Variants in ERRFI1 observed in about 807,000 individuals in gnomAD.
ERRFI1 encodes ERBB receptor feedback inhibitor 1, also known as mitogen-inducible gene 6 protein.
Under a neutral mutation model 14.6 loss-of-function variants are expected in ERRFI1, and 12 were observed. The observed-to-expected ratio is 0.82, with a 90% CI of 0.53 to 1.33. ERRFI1 has a LOEUF of 1.33. Ranked by LOEUF, ERRFI1 falls within the 40% of genes most tolerant of loss-of-function variation. The pLI, the probability that ERRFI1 is intolerant of heterozygous loss-of-function variation, is 0.00. For missense variants in ERRFI1, 482 were observed against 572.1 expected (o/e 0.84, Z 1.61); for synonymous variants, 202 against 209.9 (o/e 0.96, Z 0.32).
chr1:8,021,650 C>T (rs1441636635), intron 1 of ERRFI1, among the ~76,000 whole-genome samples: 1 of 152,154 alleles, frequency 6.6e-6, no homozygotes, highest in East Asian at 1.9e-4. Flanking sequence ...TAATATAAAA[C>T]CATTAATGAT....
In ERRFI1 at chr1:8,014,677, G is replaced by A. The variant is rs576443167; in HGVS notation, c.203-281C>T. On this transcript the variant is annotated intron_variant, in intron 3 of 3. Coordinates refer to ENST00000377482, the MANE Select transcript of ERRFI1 (RefSeq NM_018948.4). ...ACATCACAGGCAAGTTTTGTGACGT[G>A]TGTAAAATTCGCGGAAGATGAATAG... is the stretch of plus-strand genomic sequence containing the variant. The A allele has an allele frequency of 2.2e-4, 92 of 410,528 alleles. 1 individual carries two copies. The highest frequency in any genetic ancestry group is 3.7e-4 in the Non-Finnish European group (85 of 231,262). 25.4% of individuals were successfully genotyped at this position (410,528 alleles called of 1,614,324 possible). A position where few individuals can be genotyped will look rare whatever the true frequency, so the allele number is the denominator to read the frequency against.
rs776359721 is a variant in ERRFI1, at chr1:8,014,019, C to A, written c.580G>T (p.Asp194Tyr). 2 of 1,614,016 alleles carry A rather than the reference C, an allele frequency of 1.2e-6. No homozygotes were observed. The highest frequency in any genetic ancestry group is 2.7e-5 in the African/African-American group (2 of 74,868). ...EDSTLSDFKYDVPGRRSFRGC... is the reference protein window; with the variant it reads ...EDSTLSDFKYYVPGRRSFRGC... ...CGGAAGCTTCGCCTGCCAGGAACAT[C>A]ATATTTGAAATCAGAAAGTGTAGAG... is the stretch of plus-strand genomic sequence containing the variant. The change falls in exon 4 of 4, where the codon GAT becomes TAT. Residue 194 changes from aspartate (D) to tyrosine (Y), a missense_variant. Asp to Tyr is a radical substitution (Grantham distance 160, BLOSUM62 -3). Coordinates refer to ENST00000377482, the MANE Select transcript of ERRFI1 (RefSeq NM_018948.4).
chr1:8,025,689 C>A (rs999106885), intron 1 of ERRFI1, among the ~76,000 whole-genome samples: 1 of 152,196 alleles, frequency 6.6e-6, no homozygotes, highest in African/African-American at 2.4e-5. Flanking sequence ...AGCCCCCAGG[C>A]CCGAAGACGC....
At chr1:8,025,301 T>C (rs1641328014) in intron 1 of ERRFI1, among the ~76,000 whole-genome samples, 1 of 152,230 alleles carries the variant, frequency 6.6e-6, no homozygotes, top group Non-Finnish European at 1.5e-5. Context: ...AAGAGTCATC[T>C]AATTTGTACA....
rs189117311 is a variant in ERRFI1 at position 8,013,371 on chromosome 1, A to T, written c.1228T>A (p.Phe410Ile). The T allele has an allele frequency of 1.2e-6, 2 of 1,614,090 alleles. No homozygotes were observed. The highest frequency in any genetic ancestry group is 1.1e-5 in the South Asian group (1 of 91,076). ...TTTGTTTCTTCTGCTTCCCTAAAAAATTTTTCATATTTGTCCAGGTATGGT... is the reference window on the plus strand; with the variant it reads ...TTTGTTTCTTCTGCTTCCCTAAAAATTTTTTCATATTTGTCCAGGTATGGT... ...RPPYLDKYEK[F>I]FREAEETNGG... Residue 410 changes from phenylalanine (F) to isoleucine (I), a missense_variant, in exon 4 of 4, where the codon TTT (phenylalanine) becomes ATT (isoleucine). Coordinates refer to ENST00000377482, the MANE Select transcript of ERRFI1 (RefSeq NM_018948.4). This position sits in a 1 kb window ranked among gnomAD's most constrained non-coding sequence, Gnocchi z 4.3.
At chr1:8,022,590 C>T (rs750367561) in intron 1 of ERRFI1, among the ~76,000 whole-genome samples, 6 of 152,284 alleles carry the variant, frequency 3.9e-5, no homozygotes, top group Admixed American at 6.5e-5. Context: ...CAGCATTTTC[C>T]CCACACTTTC....
chr1:8,023,099 T>A (rs189878183), intron 1 of ERRFI1, among the ~76,000 whole-genome samples: 1 of 152,300 alleles, frequency 6.6e-6, no homozygotes, highest in Non-Finnish European at 1.5e-5. Context: ...GCAGCCCTGA[T>A]AAGAGTCAGA....
At chr1:8,021,601 A>G (rs750217916) in intron 1 of ERRFI1, among the ~76,000 whole-genome samples, 25 of 152,250 alleles carry the variant, frequency 1.6e-4, no homozygotes, top group Non-Finnish European at 3.5e-4. Flanking sequence ...TTTAACAAGC[A>G]TTTAAGTTAC....
At position 8,013,592 on chromosome 1, in the gene ERRFI1, T is replaced by C. The variant is rs1641123128; in HGVS notation, c.1007A>G (p.Lys336Arg). 6.2e-7 allele frequency: 1 copy of C among 1,614,100 alleles called. No homozygotes were observed. Among genetic ancestry groups the C allele is most frequent in the Non-Finnish European group, 8.5e-7 (1 of 1,180,022 alleles). Reference protein sequence around the residue: ...SPSNSRTPSPKSLPSYLNGVM... With the variant: ...SPSNSRTPSPRSLPSYLNGVM... ...CCCATTGAGGTAAGACGGAAGGCTT[T>C]TGGGACTCGGTGTGCGCGAGTTACT... Residue 336 changes from lysine (K) to arginine (R), a missense_variant, in exon 4 of 4, where the codon AAA (lysine) becomes AGA (arginine). By Grantham distance (26) the Lys-to-Arg change is conservative. Coordinates refer to ENST00000377482, the MANE Select transcript of ERRFI1 (RefSeq NM_018948.4). This position sits in a 1 kb window ranked among gnomAD's most constrained non-coding sequence, Gnocchi z 4.3.
chr1:8,022,216 A>G (rs1227888978), intron 1 of ERRFI1, among the ~76,000 whole-genome samples: 1 of 152,194 alleles, frequency 6.6e-6, no homozygotes, highest in Non-Finnish European at 1.5e-5. Flanking sequence ...GCCCCACCAC[A>G]ACAGAACTCT....
chr1:8,014,524 C>T (rs1005206058), intron 3 of ERRFI1, 128 bp from the exon 4 acceptor site: 19 of 794,806 alleles, frequency 2.4e-5, no homozygotes, highest in Middle Eastern at 3.8e-4. Flanking sequence ...CTGCTGTCAC[C>T]CCGAGAACAC....
In ERRFI1 at chr1:8,015,585, C is replaced by T. The variant is rs2124066385; in HGVS notation, c.35G>A (p.Arg12Lys). ...TAGAAATCCAGTTTTTAATGGGACT[C>T]TGATCTCCTGAGCAGCAACTCCTGC... The part of the protein sequence containing the change: ...SIAGVAAQEI[R>K]VPLKTGFLHN... Residue 12 changes from arginine (R) to lysine (K), a missense_variant, in exon 2 of 4, where the codon AGA becomes AAA. Physicochemically the swap from Arg to Lys is conservative, Grantham distance 26 (BLOSUM62 2). Transcript: ENST00000377482. 1 of 1,614,128 alleles carries T rather than the reference C, an allele frequency of 6.2e-7. No individual in the cohort carries two copies. The highest frequency in any genetic ancestry group is 8.5e-7 in the Non-Finnish European group (1 of 1,179,972).
intron 3 of ERRFI1, chr1:8,014,687 C>T (rs748939577): frequency 2.8e-4 from 107 of 384,192 alleles, no homozygotes; most frequent in Non-Finnish European, 4.6e-4. Context: ...GTGTAAAATT[C>T]GCGGAAGATG....
chr1:8,013,924 C>T lies in ERRFI1; in HGVS notation c.675G>A (p.Val225=), dbSNP rs764847172. ...CTGGGACACCTCCATTTTGGTCAGA[C>T]ACATAGCTGAGATCTGCTGCAGAAA... The part of the protein sequence containing the change: ...PAVSAADLSY[V]SDQNGGVPDP... The change falls in exon 4 of 4, where the codon GTG becomes GTA. Residue 225 remains valine (V), a synonymous_variant. Coordinates refer to ENST00000377482, the MANE Select transcript of ERRFI1 (RefSeq NM_018948.4). The surrounding 1 kb of genome is among the most constrained non-coding windows in gnomAD (Gnocchi z 4.3). The T allele has an allele frequency of 2.5e-6, 4 of 1,613,994 alleles. No homozygotes were observed. The highest frequency in any genetic ancestry group is 3.4e-6 in the Non-Finnish European group (4 of 1,180,024).
At position 8,011,926 on chromosome 1, in the gene ERRFI1, A is replaced by G; in HGVS notation, c.*1284T>C. ...TAGCTCAAATAATATTCAGCAGTTT[A>G]AACTGTAAACAGCTTGTTTAACTGT... On this transcript the variant is annotated 3_prime_UTR_variant, in exon 4 of 4. Transcript: ENST00000377482. 1 of 227,464 alleles carries G rather than the reference A, an allele frequency of 4.4e-6. No homozygotes were observed. Among genetic ancestry groups the G allele is most frequent in the African/African-American group, 2.2e-5 (1 of 45,144 alleles). 14.1% of individuals were successfully genotyped at this position (227,464 alleles called of 1,614,324 possible).
chr1:8,023,313 C>T (rs1282274794), intron 1 of ERRFI1, among the ~76,000 whole-genome samples: 2 of 152,118 alleles, frequency 1.3e-5, no homozygotes, highest in African/African-American at 4.8e-5. Context: ...GAGTCTCACT[C>T]TGTCACCAGG....
At position 8,013,485 on chromosome 1, in the gene ERRFI1, A is replaced by G. The variant is rs1007792333; in HGVS notation, c.1114T>C (p.Ser372Pro). The part of the protein sequence containing the change: ...KALQRQNSEG[S>P]ASKVPCILPI... ...AGAATGCAAGGAACCTTACTGGCAG[A>G]TCCTTCGCTGTTCTGTCTTTGCAGT... is the stretch of plus-strand genomic sequence containing the variant. Residue 372 changes from serine to proline, a missense_variant, in exon 4 of 4, where the codon TCT becomes CCT. Ser to Pro is a moderately conservative substitution (Grantham distance 74, BLOSUM62 -1). Coordinates refer to ENST00000377482, the MANE Select transcript of ERRFI1 (RefSeq NM_018948.4). The surrounding 1 kb of genome is among the most constrained non-coding windows in gnomAD (Gnocchi z 4.3). 5 of 1,614,036 alleles carry G rather than the reference A, an allele frequency of 3.1e-6. No homozygotes were observed. The highest frequency in any genetic ancestry group is 4.2e-6 in the Non-Finnish European group (5 of 1,180,040).
chr1:8,021,045 T>C (rs1412056622), intron 1 of ERRFI1, among the ~76,000 whole-genome samples: 1 of 152,220 alleles, frequency 6.6e-6, no homozygotes, highest in Non-Finnish European at 1.5e-5. Flanking sequence ...AAAAGCTTGA[T>C]GGCTTCAGTA....
At chr1:8,017,301 A>G (rs1557465800) in intron 1 of ERRFI1, among the ~76,000 whole-genome samples, 1 of 152,152 alleles carries the variant, frequency 6.6e-6, no homozygotes, top group Non-Finnish European at 1.5e-5. Flanking sequence ...TCTGCATTTT[A>G]CCCTTCCACA....
Sources: allele counts gnomAD v4.1 joint callset (sites outside exome capture counted in the v4.1 genomes callset), GRCh38; gene constraint gnomAD v4.1.1; non-coding constraint Gnocchi (gnomAD v3.1); transcripts MANE v1.5; gene names NCBI Gene and HGNC (gene_info 2026-07-23, HGNC 2026-07-21).